Variants in FRMD5 observed in about 807,000 individuals in gnomAD.
The protein encoded by FRMD5 is FERM domain-containing protein 5.
In FRMD5, 20 loss-of-function variants were observed where a neutral mutation model predicts 69.0. The ratio of observed to expected loss-of-function variants is 0.29; its 90% CI spans 0.20 to 0.42. The LOEUF (loss-of-function observed/expected upper bound fraction) is 0.42, where lower values mean the gene tolerates loss of function less well. FRMD5 is among the 10% of genes least tolerant of loss of function. The pLI is 1.00. For missense variants in FRMD5, 595 were observed against 708.6 expected (o/e 0.84, Z 1.82); for synonymous variants, 271 against 260.1 (o/e 1.04, Z -0.40).
chr15:44,011,655 G>A (rs752742102), intron 1 of FRMD5, among the ~76,000 whole-genome samples: 7 of 152,154 alleles, frequency 4.6e-5, no homozygotes, highest in Admixed American at 2.6e-4. Flanking sequence ...ATCATCAAGG[G>A]AGATAGCAAA....
chr15:44,083,494 C>G (rs1259759467), intron 1 of FRMD5, among the ~76,000 whole-genome samples: 5 of 152,006 alleles, frequency 3.3e-5, no homozygotes, highest in African/African-American at 1.2e-4. Context: ...TGTGATCCTG[C>G]TCAAGCTTCA....
intron 1 of FRMD5, among the ~76,000 whole-genome samples, chr15:43,981,153 T>C (rs2090542950): frequency 6.6e-6 from 1 of 152,082 alleles, no homozygotes; most frequent in African/African-American, 2.4e-5. Flanking sequence ...GTAGCTGGGG[T>C]TTCACCATGT....
chr15:44,166,100 AT>A (rs1308781196), intron 1 of FRMD5, among the ~76,000 whole-genome samples: 1 of 152,102 alleles, frequency 6.6e-6, no homozygotes, highest in Non-Finnish European at 1.5e-5. Flanking sequence ...TCTTATCATT[AT>A]TTTTTAGTTC....
chr15:44,176,861 A>T (rs2077904497), intron 1 of FRMD5, among the ~76,000 whole-genome samples: 1 of 151,980 alleles, frequency 6.6e-6, no homozygotes, highest in South Asian at 2.1e-4. Flanking sequence ...TGGCTGTAAT[A>T]AAAAAAGGCA....
chr15:44,034,972 G>A (rs942727765), intron 1 of FRMD5, among the ~76,000 whole-genome samples: 2 of 152,178 alleles, frequency 1.3e-5, no homozygotes, highest in Non-Finnish European at 2.9e-5. Flanking sequence ...CCCTGAAACA[G>A]TGAATGTTCC....
In FRMD5 at chr15:44,139,298, T is replaced by TACACAC. The variant is rs140679752; in HGVS notation, c.102+55649_102+55654dup. On this transcript the variant is annotated intron_variant, in intron 1 of 13. Transcript: ENST00000417257. ...CACCATCTATAGCTCCCCCTCTCTC[T>TACACAC]ACACACACACACACACACACACACA... is the stretch of plus-strand genomic sequence containing the variant. 4.4e-3 allele frequency among the ~76,000 whole-genome samples: 635 copies of TACACAC among 143,760 alleles called. 10 individuals are homozygous for TACACAC. The East Asian group carries it at 0.057, about 13-fold the overall frequency. The allele number at this position is 143,760 out of a possible 152,430, so 94.3% of individuals were successfully genotyped here.
At chr15:43,901,792 A>G (rs951196636) in intron 7 of FRMD5, 1 of 213,300 alleles carries the variant, frequency 4.7e-6, no homozygotes, top group African/African-American at 2.4e-5. Flanking sequence ...GCAGTCAATA[A>G]AACCCACTCT....
intron 1 of FRMD5, among the ~76,000 whole-genome samples, chr15:43,996,072 G>A (rs776690741): frequency 1.7e-4 from 26 of 152,098 alleles, no homozygotes; most frequent in Non-Finnish European, 3.7e-4. Context: ...GGCTTCTGCC[G>A]TGGCACTGGG....
intron 2 of FRMD5, among the ~76,000 whole-genome samples, chr15:43,923,935 A>T (rs2140449975): frequency 6.6e-6 from 1 of 152,332 alleles, no homozygotes; most frequent in East Asian, 1.9e-4. Flanking sequence ...CCACAACTCC[A>T]GCCCAGCTGC....
At chr15:44,061,872 C>G (rs1261169211) in intron 1 of FRMD5, among the ~76,000 whole-genome samples, 1 of 152,176 alleles carries the variant, frequency 6.6e-6, no homozygotes, top group Non-Finnish European at 1.5e-5. Flanking sequence ...GGACGTAATA[C>G]TTCTCTTTCA....
intron 1 of FRMD5, among the ~76,000 whole-genome samples, chr15:44,024,411 T>C (rs1189038740): frequency 6.6e-6 from 1 of 152,210 alleles, no homozygotes; most frequent in Admixed American, 6.5e-5. Flanking sequence ...TCATTTTCTT[T>C]TGTACCTAGC....
At chr15:44,185,056 C>T (rs1421049152) in intron 1 of FRMD5, among the ~76,000 whole-genome samples, 1 of 152,174 alleles carries the variant, frequency 6.6e-6, no homozygotes, top group Non-Finnish European at 1.5e-5. Flanking sequence ...TTTAAACAAA[C>T]TTTTTAAAAT....
chr15:43,949,790 G>C (rs566535614), intron 1 of FRMD5, among the ~76,000 whole-genome samples: 2 of 152,138 alleles, frequency 1.3e-5, no homozygotes, highest in East Asian at 3.9e-4. Context: ...CAATATCCAG[G>C]AAAATACCCT....
chr15:44,183,460 T>C (rs1382079441), intron 1 of FRMD5, among the ~76,000 whole-genome samples: 1 of 152,150 alleles, frequency 6.6e-6, no homozygotes, highest in Non-Finnish European at 1.5e-5. Flanking sequence ...CAAGGGCAAA[T>C]GGGAAGCCAG....
chr15:43,875,163 C>T (rs994422624), intron 13 of FRMD5, among the ~76,000 whole-genome samples: 1 of 151,948 alleles, frequency 6.6e-6, no homozygotes, highest in South Asian at 2.1e-4. Context: ...TGCCACTGCA[C>T]TCCAGCCTGG....
intron 11 of FRMD5, among the ~76,000 whole-genome samples, chr15:43,885,357 G>A (rs1595480874): frequency 6.6e-6 from 1 of 152,094 alleles, no homozygotes; most frequent in Non-Finnish European, 1.5e-5. Flanking sequence ...TGTATTTTTA[G>A]TAGAGATGGG....
intron 1 of FRMD5, among the ~76,000 whole-genome samples, chr15:44,041,442 T>TC: frequency 6.6e-6 from 1 of 152,184 alleles, no homozygotes; most frequent in Middle Eastern, 3.4e-3. Context: ...AATAGACATC[T>TC]ACAGAACTCT....
intron 13 of FRMD5, among the ~76,000 whole-genome samples, chr15:43,880,968 C>A (rs900886767): frequency 6.6e-6 from 1 of 152,204 alleles, no homozygotes; most frequent in African/African-American, 2.4e-5. Context: ...GTCTCAGGAT[C>A]ACAAGGACTG....
At chr15:44,119,921 C>G (rs2076923324) in intron 1 of FRMD5, among the ~76,000 whole-genome samples, 1 of 152,016 alleles carries the variant, frequency 6.6e-6, no homozygotes, top group Admixed American at 6.5e-5. Context: ...GAATAAATGA[C>G]TGAGCATCTC....
Sources: gnomAD v4.1 joint callset for allele counts (sites outside exome capture counted in the v4.1 genomes callset) on GRCh38, gnomAD v4.1.1 for gene constraint, MANE v1.5 for transcripts, NCBI Gene and HGNC (gene_info 2026-07-23, HGNC 2026-07-21) for gene names.